UGGT2: variants seen among roughly 807,000 people sequenced by gnomAD.
UGGT2 encodes UDP-glucose:glycoprotein glucosyltransferase 2.
A neutral mutation model predicts 192.1 loss-of-function variants in UGGT2; 180 were observed. The observed-to-expected ratio is 0.94, with a 90% CI of 0.83 to 1.06. The LOEUF is 1.06. UGGT2 is among the 50% of genes least tolerant of loss of function. UGGT2 has a pLI of 0.00. For synonymous variants in UGGT2, 580 were observed against 591.0 expected, an observed-to-expected ratio of 0.98 and a Z score of 0.27; for missense variants, 1,849 against 1,795.7, an observed-to-expected ratio of 1.03 and a Z score of -0.54.
intron 12 of UGGT2, among the ~76,000 whole-genome samples, chr13:95,957,659 AGTGACTGTCCTT>A (rs1438394791): frequency 6.6e-6 from 1 of 152,240 alleles, no homozygotes; most frequent in Non-Finnish European, 1.5e-5. Flanking sequence ...CCACACACAG[AGTGACTGTCCTT>A]CACTGCCAAC....
At chr13:95,950,423 C>T (rs555918065) in intron 12 of UGGT2, among the ~76,000 whole-genome samples, 1 of 151,884 alleles carries the variant, frequency 6.6e-6, no homozygotes, top group African/African-American at 2.4e-5. Context: ...ATAGTAGAGC[C>T]TTCACAAAGC....
chr13:95,939,887 G>A (rs1450377880), intron 16 of UGGT2, 70 bp downstream of exon 16: 1 of 1,258,882 alleles, frequency 7.9e-7, no homozygotes, highest in Non-Finnish European at 1.1e-6. Context: ...GATTCTACAT[G>A]AGTAGAGATC....
At chr13:96,045,024 G>GA (rs1272272896) in intron 1 of UGGT2, among the ~76,000 whole-genome samples, 1 of 151,598 alleles carries the variant, frequency 6.6e-6, no homozygotes, top group Non-Finnish European at 1.5e-5. Flanking sequence ...CCAAAACCAG[G>GA]AAAAAAACAT....
At chr13:95,980,104 C>A (rs1236590829) in intron 10 of UGGT2, among the ~76,000 whole-genome samples, 11 of 152,156 alleles carry the variant, frequency 7.2e-5, no homozygotes, top group Non-Finnish European at 1.2e-4. Flanking sequence ...AAAAGCAGAT[C>A]TACCATTTGA....
rs144297133 is a variant in UGGT2, at chr13:95,932,860, T to C, written c.1977+4064A>G. 5.1e-4 allele frequency among the ~76,000 whole-genome samples: 78 copies of C among 152,364 alleles called. No individual in the cohort carries two copies. In the East Asian group the frequency reaches 0.014, roughly 28 times the overall value. The stretch of plus-strand genomic sequence containing the variant: ...ATCAAAATGATCACATTTTTTGTTT[T>C]AAATTCTGTGTATGTGGTGAATGAC... On this transcript the variant is annotated intron_variant, in intron 17 of 38. Coordinates refer to ENST00000376747, the MANE Select transcript of UGGT2 (RefSeq NM_020121.4).
intron 10 of UGGT2, among the ~76,000 whole-genome samples, chr13:95,978,360 C>A (rs2140837072): frequency 6.6e-6 from 1 of 152,200 alleles, no homozygotes; most frequent in Non-Finnish European, 1.5e-5. Flanking sequence ...AATTTTTTGC[C>A]TATTTTAAAA....
chr13:95,961,337 C>T (rs189567676), intron 12 of UGGT2, among the ~76,000 whole-genome samples: 50 of 152,186 alleles, frequency 3.3e-4, no homozygotes, highest in Non-Finnish European at 6.6e-4. Context: ...CAAGACCCAT[C>T]CATACACTGC....
At chr13:95,839,260 C>A (rs545256922) in intron 36 of UGGT2, among the ~76,000 whole-genome samples, 2 of 152,236 alleles carry the variant, frequency 1.3e-5, no homozygotes, top group African/African-American at 4.8e-5. Flanking sequence ...TCTGTTGTCA[C>A]TTAGCTGATC....
intron 36 of UGGT2, 84 bp from the exon 37 acceptor site, chr13:95,837,286 G>A: frequency 1.1e-6 from 1 of 894,668 alleles, no homozygotes; most frequent in South Asian, 1.4e-5. Flanking sequence ...ACATCAGTTA[G>A]ACTGTAAACA....
At chr13:95,914,320 C>G (rs9584327) in intron 20 of UGGT2, among the ~76,000 whole-genome samples, 1 of 151,312 alleles carries the variant, frequency 6.6e-6, no homozygotes, top group Non-Finnish European at 1.5e-5. Context: ...TGTAAAGTTT[C>G]TTAAAACTAC....
chr13:95,880,379 G>C (rs2047459132), intron 27 of UGGT2, among the ~76,000 whole-genome samples: 1 of 152,186 alleles, frequency 6.6e-6, no homozygotes, highest in African/African-American at 2.4e-5. Context: ...AGTGGAGATG[G>C]ATAAATGATA....
chr13:95,983,619 T>C (rs1324762529), intron 10 of UGGT2, 185 bp downstream of exon 10: 9 of 656,854 alleles, frequency 1.4e-5, no homozygotes, highest in South Asian at 1.4e-4. Context: ...AGAAGGTATG[T>C]CAGAAAAGAT....
intron 1 of UGGT2, among the ~76,000 whole-genome samples, chr13:96,033,711 G>A (rs533469105): frequency 5.9e-5 from 9 of 152,258 alleles, no homozygotes; most frequent in East Asian, 1.9e-4. Flanking sequence ...GCCACAACCC[G>A]GCTGGTTGTA....
In UGGT2 at chr13:96,015,054, G is replaced by A. The variant is rs183099842; in HGVS notation, c.486-1573C>T. On this transcript the variant is annotated intron_variant, in intron 4 of 38. Coordinates refer to ENST00000376747, the MANE Select transcript of UGGT2 (RefSeq NM_020121.4). ...AGCACTTTGGGAGGCCGAGGTGGGC[G>A]GATCATGAGGTCAGGATATCGAGAC... 1.4e-3 allele frequency among the ~76,000 whole-genome samples: 220 copies of A among 152,110 alleles called. 1 individual carries two copies. Among genetic ancestry groups the A allele is most frequent in the African/African-American group, 4.9e-3 (205 of 41,512 alleles).
At chr13:95,879,952 T>C (rs2047446345) in intron 27 of UGGT2, among the ~76,000 whole-genome samples, 1 of 152,168 alleles carries the variant, frequency 6.6e-6, no homozygotes, top group Non-Finnish European at 1.5e-5. Context: ...GCAGGTTTGT[T>C]ACATAGGTAC....
chr13:96,037,952 G>C (rs2053053728), intron 1 of UGGT2, among the ~76,000 whole-genome samples: 2 of 152,220 alleles, frequency 1.3e-5, no homozygotes, highest in African/African-American at 4.8e-5. Context: ...GTCACACACA[G>C]AAACAGATTT....
chr13:96,051,965 A>G (rs2053499227), intron 1 of UGGT2, among the ~76,000 whole-genome samples: 1 of 152,214 alleles, frequency 6.6e-6, no homozygotes, highest in Non-Finnish European at 1.5e-5. Flanking sequence ...TGATCCAGCA[A>G]TCCCACTACT....
intron 7 of UGGT2, among the ~76,000 whole-genome samples, chr13:95,993,750 C>T (rs2051528877): frequency 6.6e-6 from 1 of 152,062 alleles, no homozygotes; most frequent in Admixed American, 6.6e-5. Context: ...GGAGAACCAC[C>T]CTGAGAGTCC....
intron 20 of UGGT2, among the ~76,000 whole-genome samples, chr13:95,903,527 C>G (rs1302776163): frequency 6.6e-6 from 1 of 152,148 alleles, no homozygotes; most frequent in African/African-American, 2.4e-5. Flanking sequence ...AGTTTATCCC[C>G]TAAACTTGCA....
Sources: allele counts gnomAD v4.1 joint callset (sites outside exome capture counted in the v4.1 genomes callset), GRCh38; gene constraint gnomAD v4.1.1; transcripts MANE v1.5; gene names NCBI Gene and HGNC (gene_info 2026-07-23, HGNC 2026-07-21).